Variants in OR1J2 observed in about 807,000 individuals in gnomAD.
OR1J2 encodes olfactory receptor 1J2.
For missense variants in OR1J2, 304 were observed against 246.1 expected (o/e 1.24, Z -1.57); for synonymous variants, 142 against 99.7 (o/e 1.42, Z -2.52).
At chr9:122,490,158 G>A in the OR1J2 span, among the ~76,000 whole-genome samples, 2 of 152,114 alleles carry the variant, frequency 1.3e-5, no homozygotes, top group Admixed American at 6.5e-5. Context: ...TGTACTGGTG[G>A]CAGGGGAGAA....
the OR1J2 span, among the ~76,000 whole-genome samples, chr9:122,556,581 C>T: frequency 6.6e-6 from 1 of 152,100 alleles, no homozygotes; most frequent in Admixed American, 6.6e-5. Flanking sequence ...GGGCTTAAAG[C>T]CTAGATGACA....
the OR1J2 span, chr9:122,477,343 TTGAG>T: frequency 6.2e-7 from 1 of 1,613,850 alleles, no homozygotes. Context: ...TGCTAACTGA[TTGAG>T]GGAGGTGTCT....
chr9:122,462,683 T>C, the OR1J2 span, among the ~76,000 whole-genome samples: 9 of 152,224 alleles, frequency 5.9e-5, no homozygotes, highest in Non-Finnish European at 1.0e-4. Flanking sequence ...TTTATGAATC[T>C]TAGTTTCACT....
the OR1J2 span, chr9:122,526,652 G>T: frequency 1.2e-6 from 2 of 1,614,160 alleles, no homozygotes; most frequent in South Asian, 2.2e-5. Flanking sequence ...GGATGTAGGA[G>T]GTGACAATGC....
the OR1J2 span, among the ~76,000 whole-genome samples, chr9:122,484,167 T>G: frequency 6.6e-6 from 1 of 152,124 alleles, no homozygotes. Context: ...TGGGGGTTTT[T>G]TGTTTGTTTT....
At chr9:122,491,626 C>A in the OR1J2 span, among the ~76,000 whole-genome samples, 2 of 152,114 alleles carry the variant, frequency 1.3e-5, no homozygotes, top group Non-Finnish European at 2.9e-5. Context: ...TGAAACCATT[C>A]ATTGGATTTA....
At chr9:122,484,950 C>G in the OR1J2 span, among the ~76,000 whole-genome samples, 42,532 of 151,908 alleles carry the variant, frequency 0.28, 6,310 homozygotes, top group African/African-American at 0.36. Context: ...GGGAGGGTCG[C>G]TTGAGCTCGG....
chr9:122,549,670 G>A, the OR1J2 span, among the ~76,000 whole-genome samples: 1 of 152,246 alleles, frequency 6.6e-6, no homozygotes, highest in Admixed American at 6.5e-5. Context: ...TCAGTTGGCT[G>A]TAAGTATGTG....
the OR1J2 span, among the ~76,000 whole-genome samples, chr9:122,551,702 G>C: frequency 6.6e-6 from 1 of 152,044 alleles, no homozygotes; most frequent in African/African-American, 2.4e-5. Flanking sequence ...GCTCCCCTAG[G>C]ATCCAGCCAG....
the OR1J2 span, among the ~76,000 whole-genome samples, chr9:122,565,921 G>T: frequency 6.6e-6 from 1 of 152,206 alleles, no homozygotes; most frequent in Non-Finnish European, 1.5e-5. Flanking sequence ...CAGGCTTGGA[G>T]TAAAGTAGGT....
the OR1J2 span, among the ~76,000 whole-genome samples, chr9:122,532,452 C>T: frequency 0.2 from 30,335 of 151,584 alleles, 3,486 homozygotes; most frequent in Middle Eastern, 0.29. Context: ...ATGGGGTGAA[C>T]GTCAGGTGGA....
chr9:122,511,412 T>C lies in OR1J2; in HGVS notation c.611T>C (p.Val204Ala). 1 of 767,688 alleles carries C rather than the reference T, an allele frequency of 1.3e-6. No individual in the cohort carries two copies. The highest frequency in any genetic ancestry group is 2.4e-5 in the East Asian group (1 of 41,210). 47.6% of individuals were successfully genotyped at this position (767,688 alleles called of 1,614,324 possible). A position where few individuals can be genotyped will look rare whatever the true frequency, so the allele number is the denominator to read the frequency against. Residue 204 changes from valine (V) to alanine (A), a missense_variant, in exon 1 of 1, where the codon GTG (valine) becomes GCG (alanine). Transcript: ENST00000335302. ...GAGCTGGTCATGTTCACAGTAGGGG[T>C]GGTGGTCATTACCCTGCCATTCATG... Reference protein sequence around the residue: ...LNELVMFTVGVVVITLPFMCI... With the variant: ...LNELVMFTVGAVVITLPFMCI...
At chr9:122,476,265 T>G in the OR1J2 span, among the ~76,000 whole-genome samples, 1 of 152,222 alleles carries the variant, frequency 6.6e-6, no homozygotes, top group Non-Finnish European at 1.5e-5. Flanking sequence ...CTGAAAGGGC[T>G]TCAGCTTCCT....
the OR1J2 span, among the ~76,000 whole-genome samples, chr9:122,539,844 T>C: frequency 2.6e-5 from 4 of 152,240 alleles, no homozygotes; most frequent in East Asian, 5.8e-4. Context: ...GTGGTTTTGA[T>C]TTGCATTTCT....
chr9:122,552,502 G>A, the OR1J2 span, among the ~76,000 whole-genome samples: 1 of 152,146 alleles, frequency 6.6e-6, no homozygotes, highest in Non-Finnish European at 1.5e-5. Flanking sequence ...AGGAAGTGAT[G>A]GAAGGGAGAG....
chr9:122,487,703 C>T, the OR1J2 span, among the ~76,000 whole-genome samples: 1 of 152,306 alleles, frequency 6.6e-6, no homozygotes, highest in Non-Finnish European at 1.5e-5. Flanking sequence ...AGAGTATCTC[C>T]CTTTACCTGC....
At chr9:122,502,903 CCTAGT>C in the OR1J2 span, among the ~76,000 whole-genome samples, 1 of 152,104 alleles carries the variant, frequency 6.6e-6, no homozygotes, top group Non-Finnish European at 1.5e-5. Context: ...CTTTTCAGTT[CCTAGT>C]CTAAATGCAT....
the OR1J2 span, among the ~76,000 whole-genome samples, chr9:122,452,585 T>A: frequency 3.9e-5 from 6 of 152,178 alleles, no homozygotes; most frequent in African/African-American, 1.4e-4. Context: ...TTGGGTAACA[T>A]GCATAGTCCA....
the OR1J2 span, chr9:122,567,590 G>A: frequency 1.2e-6 from 2 of 1,607,426 alleles, no homozygotes; most frequent in East Asian, 4.5e-5. Flanking sequence ...CCTGTTTCAG[G>A]TCTTTGTTTC....
Sources: gnomAD v4.1 joint callset for allele counts (sites outside exome capture counted in the v4.1 genomes callset) on GRCh38, gnomAD v4.1.1 for gene constraint, MANE v1.5 for transcripts, NCBI Gene and HGNC (gene_info 2026-07-23, HGNC 2026-07-21) for gene names.